Variants in ANXA11 observed in about 807,000 individuals in gnomAD.
ANXA11 encodes annexin A11.
In ANXA11, 57 loss-of-function variants were observed where a neutral mutation model predicts 64.7. That is an observed-to-expected ratio of 0.88 (90% CI 0.71 to 1.10). The LOEUF is 1.10. ANXA11 is among the 50% of genes least tolerant of loss of function. The pLI, the probability that ANXA11 is intolerant of heterozygous loss-of-function variation, is 0.00. For synonymous variants in ANXA11, 260 were observed against 265.2 expected (o/e 0.98, Z 0.19); for missense variants, 675 against 670.7 (o/e 1.01, Z -0.07).
chr10:80,161,511 C>G (rs548663671), intron 12 of ANXA11, among the ~76,000 whole-genome samples: 3 of 152,282 alleles, frequency 2.0e-5, no homozygotes, highest in African/African-American at 2.4e-5. Flanking sequence ...CCCTGCCCCC[C>G]ACCGTGGCCC....
chr10:80,155,498 C>CT lies in ANXA11; in HGVS notation c.*354dup. ...CTTGTATGCCTCTGTCTGGCAATGA[C>CT]TGTAAGAAAAGAAAATATGCCTCCA... On this transcript the variant is annotated 3_prime_UTR_variant, in exon 16 of 16. Coordinates refer to ENST00000422982, the MANE Select transcript of ANXA11 (RefSeq NM_145868.2). 3.7e-6 allele frequency: 1 copy of CT among 270,012 alleles called. No homozygotes were observed. Among genetic ancestry groups the CT allele is most frequent in the Non-Finnish European group, 7.1e-6 (1 of 140,634 alleles). The allele number at this position is 270,012 out of a possible 1,614,324, so 16.7% of individuals were successfully genotyped here.
intron 4 of ANXA11, 61 bp from the exon 5 acceptor site, chr10:80,169,419 C>G (rs546760749): frequency 4.4e-6 from 7 of 1,579,292 alleles, no homozygotes; most frequent in Admixed American, 1.7e-5. Context: ...GTCCCTCCAC[C>G]CTTTTTCATA....
chr10:80,179,940 T>A lies in ANXA11; in HGVS notation c.-57-3785A>T, dbSNP rs111505909. On this transcript the variant is annotated intron_variant, in intron 1 of 15. Coordinates refer to ENST00000422982, the MANE Select transcript of ANXA11 (RefSeq NM_145868.2). ...CCTCTCAAACATGGTGCCATCCCTATTAAAGTTGACAGGAGTCTGGCATGA... is the reference window on the plus strand; with the variant it reads ...CCTCTCAAACATGGTGCCATCCCTAATAAAGTTGACAGGAGTCTGGCATGA... 4.4e-3 allele frequency among the ~76,000 whole-genome samples: 665 copies of A among 152,260 alleles called. 8 individuals carry two copies. The highest frequency in any genetic ancestry group is 0.015 in the African/African-American group (634 of 41,538).
intron 13 of ANXA11, 130 bp downstream of exon 13, chr10:80,158,970 G>A: frequency 4.2e-6 from 3 of 706,214 alleles, no homozygotes; most frequent in East Asian, 5.2e-5. Flanking sequence ...TGGACACTCT[G>A]GGCTGAGCGA....
chr10:80,157,075 A>G, intron 15 of ANXA11: 9 of 981,450 alleles, frequency 9.2e-6, no homozygotes, highest in Non-Finnish European at 1.1e-5. Flanking sequence ...TGCCTCACTC[A>G]ATACTCACAA....
At chr10:80,172,749 C>T in intron 3 of ANXA11, 58 bp downstream of exon 3, 1 of 1,549,026 alleles carries the variant, frequency 6.5e-7, no homozygotes, top group Non-Finnish European at 8.9e-7. Flanking sequence ...CCCCTCTCCA[C>T]TCCCAGCCAC....
chr10:80,163,318 G>C, intron 11 of ANXA11, 31 bp downstream of exon 11: 1 of 1,612,022 alleles, frequency 6.2e-7, no homozygotes, highest in Non-Finnish European at 8.5e-7. Flanking sequence ...CCCTGCTTTA[G>C]GAAGTCCAGG....
chr10:80,176,269 C>T (rs1009151755), intron 1 of ANXA11, 114 bp from the exon 2 acceptor site: 2 of 152,180 alleles, frequency 1.3e-5, no homozygotes, highest in African/African-American at 2.4e-5. Flanking sequence ...ACAATGGATA[C>T]TCTGTAGCTA....
At chr10:80,158,955 G>T in intron 13 of ANXA11, 145 bp downstream of exon 13, 1 of 639,812 alleles carries the variant, frequency 1.6e-6, no homozygotes, top group Non-Finnish European at 2.8e-6. Flanking sequence ...TGACTTCCCA[G>T]CATCTGGACA....
intron 1 of ANXA11, among the ~76,000 whole-genome samples, chr10:80,178,128 C>T (rs138607460): frequency 6.7e-4 from 102 of 152,218 alleles, no homozygotes; most frequent in African/African-American, 2.3e-3. Flanking sequence ...ACTTCTAAGG[C>T]CCTCGGGTCC....
At chr10:80,188,468 G>A (rs1236095921) in intron 1 of ANXA11, among the ~76,000 whole-genome samples, 5 of 110,368 alleles carry the variant, frequency 4.5e-5, no homozygotes, top group Non-Finnish European at 7.9e-5. Context: ...CTGTGAGAAT[G>A]TAGTATTCTC....
At chr10:80,200,111 G>A (rs943440499) in intron 1 of ANXA11, among the ~76,000 whole-genome samples, 1 of 152,186 alleles carries the variant, frequency 6.6e-6, no homozygotes, top group African/African-American at 2.4e-5. Flanking sequence ...CGTCCCAGGA[G>A]TTTGCACGCA....
Position 80,157,584 on chromosome 10 carries a change from T to G in ANXA11, c.1458+57A>C, listed in dbSNP as rs1564597394. The stretch of plus-strand genomic sequence containing the variant: ...ATATGGCCACTCCAAGGAGGGAGGT[T>G]CCACAGGTGACTGAGATGCCAAAAG... On this transcript the variant is annotated intron_variant, in intron 15 of 15. Coordinates refer to ENST00000422982, the MANE Select transcript of ANXA11 (RefSeq NM_145868.2). 5.7e-6 allele frequency: 9 copies of G among 1,586,124 alleles called. No homozygotes were observed. In the East Asian group the frequency reaches 2.0e-4, roughly 36 times the overall value.
intron 1 of ANXA11, among the ~76,000 whole-genome samples, chr10:80,198,264 G>C (rs1005683083): frequency 1.3e-5 from 2 of 152,244 alleles, no homozygotes; most frequent in Non-Finnish European, 2.9e-5. Context: ...GCAGTGGGTG[G>C]TGTTCCAGAA....
rs2132344708 is a variant in ANXA11, at chr10:80,151,148, A to G, written c.*4705T>C. The G allele has an allele frequency of 6.6e-6, 1 of 152,354 alleles. No individual in the cohort carries two copies. Among genetic ancestry groups the G allele is most frequent in the South Asian group, 2.1e-4 (1 of 4,830 alleles). The allele number at this position is 152,354 out of a possible 1,614,324, so 9.4% of individuals were successfully genotyped here. A position where few individuals can be genotyped will look rare whatever the true frequency, so the allele number is the denominator to read the frequency against. ...GGGTCACACAACAAATCAGGGGCTG[A>G]GCTGAGATCAGAATAAGGATGTTTG... On this transcript the variant is annotated 3_prime_UTR_variant, in exon 16 of 16. Coordinates refer to ENST00000422982, the MANE Select transcript of ANXA11 (RefSeq NM_145868.2).
rs766398737 is a variant in ANXA11, at chr10:80,166,991, G to A, written c.650-7C>T. ...ATGGCCTGCTCATCCGTCCCTGGAG[G>A]AAGAGGCAGCAGGGGTGGGTCGGGT... is the stretch of plus-strand genomic sequence containing the variant. On this transcript the variant is annotated splice_polypyrimidine_tract_variant and splice_region_variant and intron_variant, in intron 6 of 15. Coordinates refer to ENST00000422982, the MANE Select transcript of ANXA11 (RefSeq NM_145868.2). The A allele has an allele frequency of 6.3e-7, 1 of 1,582,414 alleles. No individual in the cohort carries two copies. The highest frequency in any genetic ancestry group is 1.1e-5 in the South Asian group (1 of 87,752).
Position 80,205,514 on chromosome 10 carries a change from C to G in ANXA11, c.-229G>C, listed in dbSNP as rs1465234065. Reference sequence around the variant, plus strand: ...ACTGGGGAGCCGCGGGCGCAGCAGCCGTCAGCGCCGGGCGGAAAACTCCGC... The same window carrying G: ...ACTGGGGAGCCGCGGGCGCAGCAGCGGTCAGCGCCGGGCGGAAAACTCCGC... On this transcript the variant is annotated 5_prime_UTR_variant, in exon 1 of 16. Coordinates refer to ENST00000422982, the MANE Select transcript of ANXA11 (RefSeq NM_145868.2). The G allele has an allele frequency of 6.6e-6, 1 of 151,926 alleles. No individual in the cohort carries two copies. The highest frequency in any genetic ancestry group is 1.5e-5 in the Non-Finnish European group (1 of 67,956). 9.4% of individuals were successfully genotyped at this position (151,926 alleles called of 1,614,324 possible). A position where few individuals can be genotyped will look rare whatever the true frequency, so the allele number is the denominator to read the frequency against.
chr10:80,155,702 T>C lies in ANXA11; in HGVS notation c.*151A>G, dbSNP rs903164255. On this transcript the variant is annotated 3_prime_UTR_variant, in exon 16 of 16. Coordinates refer to ENST00000422982, the MANE Select transcript of ANXA11 (RefSeq NM_145868.2). ...CCGACCCAGGTCCTGTGGCACACTA[T>C]ACGGGTCAGGAGGGGTGGAAGACAG... 3.8e-6 allele frequency: 3 copies of C among 786,506 alleles called. No homozygotes were observed. The highest frequency in any genetic ancestry group is 6.5e-6 in the Non-Finnish European group (3 of 460,782). 48.7% of individuals were successfully genotyped at this position (786,506 alleles called of 1,614,324 possible). A position where few individuals can be genotyped will look rare whatever the true frequency, so the allele number is the denominator to read the frequency against.
chr10:80,200,640 A>T (rs1840379772), intron 1 of ANXA11, among the ~76,000 whole-genome samples: 1 of 152,234 alleles, frequency 6.6e-6, no homozygotes, highest in Admixed American at 6.5e-5. Flanking sequence ...ACTGAAGTTA[A>T]GAGATCTATC....
Sources: allele counts gnomAD v4.1 joint callset (sites outside exome capture counted in the v4.1 genomes callset), GRCh38; gene constraint gnomAD v4.1.1; transcripts MANE v1.5; gene names NCBI Gene and HGNC (gene_info 2026-07-23, HGNC 2026-07-21).